Variants in MTHFD1L observed in about 807,000 individuals in gnomAD.
The protein encoded by MTHFD1L is monofunctional C1-tetrahydrofolate synthase, mitochondrial.
In MTHFD1L, 81 loss-of-function variants were observed where a neutral mutation model predicts 119.5. The ratio of observed to expected loss-of-function variants is 0.68; its 90% CI spans 0.57 to 0.82. The LOEUF (loss-of-function observed/expected upper bound fraction) is 0.82. Among genes scored for constraint, MTHFD1L ranks in the 40% least tolerant of loss-of-function variants. The probability of loss-of-function intolerance (pLI) is 0.00; values close to 1 mark genes in which losing one functional copy is unlikely to be tolerated. For synonymous variants in MTHFD1L, 430 were observed against 475.2 expected (o/e 0.90, Z 1.24); for missense variants, 1,125 against 1,253.4 (o/e 0.90, Z 1.55).
intron 7 of MTHFD1L, among the ~76,000 whole-genome samples, chr6:150,895,088 G>C (rs937444168): frequency 2.6e-5 from 4 of 152,148 alleles, no homozygotes; most frequent in African/African-American, 9.7e-5. Flanking sequence ...TTTTGGGCAG[G>C]GCTAGGGAAC....
intron 26 of MTHFD1L, among the ~76,000 whole-genome samples, chr6:151,076,231 G>GCCTGTAGT (rs3055577): frequency 0.53 from 71,446 of 135,628 alleles, 18,713 homozygotes; most frequent in East Asian, 0.75. Flanking sequence ...AGTTGTGGTG[G>GCCTGTAGT]CCTAGCTGCT....
At chr6:150,990,017 G>A (rs576667379) in intron 20 of MTHFD1L, among the ~76,000 whole-genome samples, 4 of 152,164 alleles carry the variant, frequency 2.6e-5, no homozygotes, top group African/African-American at 4.8e-5. Flanking sequence ...AGTGGCTCAC[G>A]CCTGTAATCT....
At chr6:151,028,148 C>G (rs191373843) in intron 24 of MTHFD1L, among the ~76,000 whole-genome samples, 2 of 152,148 alleles carry the variant, frequency 1.3e-5, no homozygotes, top group African/African-American at 2.4e-5. Context: ...TTCATTCGTA[C>G]TACTGGCCCC....
At chr6:151,044,468 G>GT (rs1271620558) in intron 26 of MTHFD1L, among the ~76,000 whole-genome samples, 1 of 151,412 alleles carries the variant, frequency 6.6e-6, no homozygotes, top group Non-Finnish European at 1.5e-5. Context: ...CGCCCCGCTA[G>GT]TTTTTTGTAT....
chr6:150,936,792 C>G lies in MTHFD1L; in HGVS notation c.1257-12C>G. ...AAATATTATAAAATTCACTTTCTCC[C>G]CCCGAACTCAGGATCACACCCACCC... is the stretch of plus-strand genomic sequence containing the variant. On this transcript the variant is annotated splice_polypyrimidine_tract_variant and intron_variant, in intron 11 of 27. Coordinates refer to ENST00000367321, the MANE Select transcript of MTHFD1L (RefSeq NM_015440.5). The G allele has an allele frequency of 6.2e-7, 1 of 1,608,788 alleles. No homozygotes were observed. The highest frequency in any genetic ancestry group is 2.2e-5 in the East Asian group (1 of 44,656).
chr6:151,043,521 C>T (rs1014773844), intron 26 of MTHFD1L, among the ~76,000 whole-genome samples: 2 of 152,100 alleles, frequency 1.3e-5, no homozygotes, highest in Non-Finnish European at 2.9e-5. Flanking sequence ...CTGCGCCCGG[C>T]CATCTCTCAC....
At chr6:150,949,275 C>T (rs1365755171) in intron 16 of MTHFD1L, 142 bp downstream of exon 16, 1 of 663,438 alleles carries the variant, frequency 1.5e-6, no homozygotes, top group African/African-American at 1.8e-5. Context: ...CCATTTATTT[C>T]AGTTACTATT....
At chr6:151,041,639 A>T in intron 26 of MTHFD1L, 1 of 359,244 alleles carries the variant, frequency 2.8e-6, no homozygotes, top group South Asian at 2.3e-5. Flanking sequence ...CAGGGCCATC[A>T]GCCCCACAGC....
rs1348878421 is a variant in MTHFD1L at position 150,938,761 on chromosome 6, G to GA, written c.1440+17dup. On this transcript the variant is annotated intron_variant, in intron 13 of 27. Coordinates refer to ENST00000367321, the MANE Select transcript of MTHFD1L (RefSeq NM_015440.5). The stretch of plus-strand genomic sequence containing the variant: ...CATGGAGGAGGTAAGACCTTGAAGA[G>GA]ATGCGGGTCAGCTATCACTGTGTTT... 6.2e-7 allele frequency: 1 copy of GA among 1,600,990 alleles called. No homozygotes were observed. Among genetic ancestry groups the GA allele is most frequent in the Non-Finnish European group, 8.5e-7 (1 of 1,173,714 alleles).
chr6:150,956,794 T>G (rs570949340), intron 17 of MTHFD1L, among the ~76,000 whole-genome samples: 1 of 152,152 alleles, frequency 6.6e-6, no homozygotes, highest in Non-Finnish European at 1.5e-5. Context: ...TAATAACCAA[T>G]CCTTACGCCA....
chr6:150,878,057 G>A (rs9397363), intron 4 of MTHFD1L, among the ~76,000 whole-genome samples: 9,939 of 152,282 alleles, frequency 0.065, 530 homozygotes, highest in East Asian at 0.22. Flanking sequence ...GAGTTCGGTT[G>A]TGTTTCTTCA....
chr6:150,940,993 G>A lies in MTHFD1L; in HGVS notation c.1440+2248G>A, dbSNP rs1028579086. ...CTGTATCCTCCCAGCTCTGAGCACC[G>A]TGCCTGACACTTGGTGGATGTTTGT... On this transcript the variant is annotated intron_variant, in intron 13 of 27. Coordinates refer to ENST00000367321, the MANE Select transcript of MTHFD1L (RefSeq NM_015440.5). 3.3e-5 allele frequency among the ~76,000 whole-genome samples: 5 copies of A among 152,298 alleles called. 1 individual carries two copies. The highest frequency in any genetic ancestry group is 3.9e-4 in the East Asian group (2 of 5,188).
At chr6:151,051,352 G>C (rs1028992071) in intron 26 of MTHFD1L, among the ~76,000 whole-genome samples, 4 of 152,146 alleles carry the variant, frequency 2.6e-5, no homozygotes, top group African/African-American at 4.8e-5. Flanking sequence ...CTCATTTCAG[G>C]CTGCGTCATC....
intron 26 of MTHFD1L, among the ~76,000 whole-genome samples, chr6:151,088,817 G>T (rs772686129): frequency 2.6e-5 from 4 of 152,072 alleles, no homozygotes; most frequent in African/African-American, 9.7e-5. Flanking sequence ...TTCATGTTCC[G>T]ATCCACTGCA....
chr6:150,888,302 G>T (rs1782659714), intron 7 of MTHFD1L, among the ~76,000 whole-genome samples: 2 of 152,162 alleles, frequency 1.3e-5, no homozygotes, highest in South Asian at 4.1e-4. Context: ...CATGCTAAAG[G>T]AAAATTAACA....
In MTHFD1L at chr6:151,081,824, G is replaced by A. The variant is rs545878320; in HGVS notation, c.2848-10643G>A. 9.2e-5 allele frequency among the ~76,000 whole-genome samples: 14 copies of A among 152,310 alleles called. No homozygotes were observed. The East Asian group carries it at 2.5e-3, about 27-fold the overall frequency. On this transcript the variant is annotated intron_variant, in intron 26 of 27. Coordinates refer to ENST00000367321, the MANE Select transcript of MTHFD1L (RefSeq NM_015440.5). ...TAAATGACATGGCACAGCAAGCAAG[G>A]TCTAGGCAGCTGCGCCTTTGATAAC...
rs1411942729 is a variant in MTHFD1L at position 150,865,867 on chromosome 6, G to T, written c.45G>T (p.Pro15=). 8.3e-7 allele frequency: 1 copy of T among 1,205,208 alleles called. No individual in the cohort carries two copies. Among genetic ancestry groups the T allele is most frequent in the Non-Finnish European group, 1.0e-6 (1 of 972,996 alleles). 74.7% of individuals were successfully genotyped at this position (1,205,208 alleles called of 1,614,324 possible). A position where few individuals can be genotyped will look rare whatever the true frequency, so the allele number is the denominator to read the frequency against. The change falls in exon 1 of 28, where the codon CCG becomes CCT. Residue 15 remains proline (P), a synonymous_variant. Transcript: ENST00000367321. ...TCGTCCTGCGCCAGCTCCGCCGCCCGCCCCAGCCCCCGGGCCCTCCGCGCC... is the reference window on the plus strand; with the variant it reads ...TCGTCCTGCGCCAGCTCCGCCGCCCTCCCCAGCCCCCGGGCCCTCCGCGCC... ...LPLVLRQLRR[P]PQPPGPPRRL...
chr6:150,925,597 G>A (rs1252897691), intron 10 of MTHFD1L, among the ~76,000 whole-genome samples: 1 of 152,118 alleles, frequency 6.6e-6, no homozygotes, highest in Admixed American at 6.6e-5. Flanking sequence ...AAATAGAGAG[G>A]GGGAAGTGTG....
chr6:151,015,617 G>A lies in MTHFD1L; in HGVS notation c.2510G>A (p.Gly837Glu). Residue 837 changes from glycine (G) to glutamate (E), a missense_variant, in exon 24 of 28, where the codon GGA becomes GAA. Transcript: ENST00000367321. ...TATCACTGGTCCGTTGGTGGAAAAG[G>A]ATCGGTGGACTTGGCTCGGGCTGTG... ...PCYHWSVGGK[G>E]SVDLARAVRE... 6.2e-7 allele frequency: 1 copy of A among 1,614,172 alleles called. No individual in the cohort carries two copies. The highest frequency in any genetic ancestry group is 8.5e-7 in the Non-Finnish European group (1 of 1,180,046).
Sources: allele counts gnomAD v4.1 joint callset (sites outside exome capture counted in the v4.1 genomes callset), GRCh38; gene constraint gnomAD v4.1.1; transcripts MANE v1.5; gene names NCBI Gene and HGNC (gene_info 2026-07-23, HGNC 2026-07-21).